CAST: variants seen among roughly 807,000 people sequenced by gnomAD.
CAST encodes MIR583 host.
A neutral mutation model predicts 119.6 loss-of-function variants in CAST; 76 were observed. That is an observed-to-expected ratio of 0.64 (90% confidence interval 0.53 to 0.77). CAST has a LOEUF of 0.77. Ranked by LOEUF, CAST falls within the 30% of genes least tolerant of loss-of-function variation. CAST has a pLI of 0.00. For synonymous variants in CAST, 319 were observed against 331.6 expected, an observed-to-expected ratio of 0.96 and a Z score of 0.41; for missense variants, 953 against 946.5, an observed-to-expected ratio of 1.01 and a Z score of -0.09.
chr5:96,761,944 TC>T lies in CAST; in HGVS notation c.1834-329del, dbSNP rs536471373. ...CCATAACTCACTCACTAGAACTTAT[TC>T]AGAGCAATTTTAAAAGAGCTGAAAA... On this transcript the variant is annotated intron_variant, in intron 24 of 31. Coordinates refer to ENST00000675179, the MANE Select transcript of CAST (RefSeq NM_001750.7). 572 of 177,282 alleles carry T rather than the reference TC, an allele frequency of 3.2e-3. 3 individuals are homozygous for T. Among genetic ancestry groups the T allele is most frequent in the African/African-American group, 0.013 (544 of 42,400 alleles). The allele number at this position is 177,282 out of a possible 1,614,324, so 11.0% of individuals were successfully genotyped here.
At chr5:96,412,889 G>GGC in the CAST span, 1 of 329,994 alleles carries the variant, frequency 3.0e-6, no homozygotes, top group Non-Finnish European at 4.6e-6. Context: ...CAAAATGTTT[G>GGC]CCCTCCCTCC....
the CAST span, among the ~76,000 whole-genome samples, chr5:96,136,345 C>CTTTTGTTTTG: frequency 4.4e-5 from 6 of 135,388 alleles, no homozygotes; most frequent in South Asian, 9.0e-4. Flanking sequence ...AATTGCACCT[C>CTTTTGTTTTG]TTTTGTTTTG....
the CAST span, among the ~76,000 whole-genome samples, chr5:96,406,888 A>G: frequency 6.6e-6 from 1 of 152,374 alleles, no homozygotes; most frequent in South Asian, 2.1e-4. Flanking sequence ...GTCACCACAC[A>G]TCAGAAAGCA....
At chr5:96,008,038 A>G in the CAST span, among the ~76,000 whole-genome samples, 1 of 152,062 alleles carries the variant, frequency 6.6e-6, no homozygotes, top group Non-Finnish European at 1.5e-5. Flanking sequence ...ACAAGCCAGA[A>G]AGAGGGCCTT....
the CAST span, among the ~76,000 whole-genome samples, chr5:95,981,780 T>C: frequency 6.6e-6 from 1 of 152,056 alleles, no homozygotes; most frequent in Non-Finnish European, 1.5e-5. Context: ...GAGGCTGAGG[T>C]AGGAGAATCA....
At chr5:96,043,025 T>C in the CAST span, among the ~76,000 whole-genome samples, 1 of 152,140 alleles carries the variant, frequency 6.6e-6, no homozygotes, top group African/African-American at 2.4e-5. Context: ...ATGTATTGCC[T>C]ACCCCAAAAT....
chr5:96,172,401 T>C, the CAST span, among the ~76,000 whole-genome samples: 1 of 152,240 alleles, frequency 6.6e-6, no homozygotes, highest in African/African-American at 2.4e-5. Flanking sequence ...ATGGCTTAGC[T>C]TGGGTTCAGA....
At chr5:96,426,611 A>C in the CAST span, among the ~76,000 whole-genome samples, 3,743 of 152,298 alleles carry the variant, frequency 0.025, 149 homozygotes, top group African/African-American at 0.086. Context: ...ACAGCATAAT[A>C]CTATTATACT....
the CAST span, among the ~76,000 whole-genome samples, chr5:96,491,360 G>A: frequency 8.5e-3 from 1,279 of 150,160 alleles, 12 homozygotes; most frequent in South Asian, 0.028. Context: ...GTGTGGTGGC[G>A]GGCGCCTGTA....
At chr5:96,354,523 C>T in the CAST span, among the ~76,000 whole-genome samples, 2 of 151,246 alleles carry the variant, frequency 1.3e-5, no homozygotes, top group Non-Finnish European at 1.5e-5. Context: ...TGGGTTGAGA[C>T]GTATCCTGAT....
intron 1 of CAST, among the ~76,000 whole-genome samples, chr5:96,626,810 G>A (rs1251193959): frequency 1.3e-5 from 2 of 152,052 alleles, no homozygotes; most frequent in Non-Finnish European, 2.9e-5. Context: ...TTCCATCGCC[G>A]AGGCCTGGGA....
chr5:96,774,138 T>G lies in CAST; in HGVS notation c.*1522T>G, dbSNP rs1773433545. 1 of 153,658 alleles carries G rather than the reference T, an allele frequency of 6.5e-6. No individual in the cohort carries two copies. The highest frequency in any genetic ancestry group is 2.4e-5 in the African/African-American group (1 of 41,448). 9.5% of individuals were successfully genotyped at this position (153,658 alleles called of 1,614,324 possible). On this transcript the variant is annotated 3_prime_UTR_variant, in exon 32 of 32. Transcript: ENST00000675179. The stretch of plus-strand genomic sequence containing the variant: ...TAACCATGTATCTAATCCTCCCATT[T>G]GGGCAGTATAGGTGTTTGCTTTTTT...
Position 96,740,981 on chromosome 5 carries a change from G to A in CAST, c.918+198G>A, listed in dbSNP as rs1414384726. ...TGAGTCTCATAAGTAGGTTTTTTGAGGGAAAGGAGAAAGAAGGCGAGAAAG... is the reference window on the plus strand; with the variant it reads ...TGAGTCTCATAAGTAGGTTTTTTGAAGGAAAGGAGAAAGAAGGCGAGAAAG... On this transcript the variant is annotated intron_variant, in intron 13 of 31. Coordinates refer to ENST00000675179, the MANE Select transcript of CAST (RefSeq NM_001750.7). 15 of 596,036 alleles carry A rather than the reference G, an allele frequency of 2.5e-5. No individual in the cohort carries two copies. The Admixed American group carries it at 3.8e-4, about 15-fold the overall frequency. 36.9% of individuals were successfully genotyped at this position (596,036 alleles called of 1,614,324 possible).
At chr5:96,067,077 T>C in the CAST span, among the ~76,000 whole-genome samples, 1 of 152,192 alleles carries the variant, frequency 6.6e-6, no homozygotes, top group Admixed American at 6.5e-5. Context: ...GTGCTTTACA[T>C]ATAGTAAGCA....
upstream of CAST, among the ~76,000 whole-genome samples, chr5:96,658,519 C>A (rs116529429): frequency 3.8e-3 from 582 of 152,250 alleles, 6 homozygotes; most frequent in African/African-American, 0.013. Context: ...GGAAACAGAT[C>A]TATAACATTC....
At chr5:96,551,757 G>A (rs1165167459) in intron 1 of CAST, among the ~76,000 whole-genome samples, 2 of 151,860 alleles carry the variant, frequency 1.3e-5, no homozygotes, top group African/African-American at 4.8e-5. Context: ...AGAAAAAGCA[G>A]GGGTTGCAAT....
At chr5:96,068,863 G>T in the CAST span, among the ~76,000 whole-genome samples, 1 of 150,694 alleles carries the variant, frequency 6.6e-6, no homozygotes, top group Non-Finnish European at 1.5e-5. Flanking sequence ...CTGTCTTCCT[G>T]TGTGTATATA....
the CAST span, among the ~76,000 whole-genome samples, chr5:96,312,275 G>T: frequency 2.6e-4 from 39 of 151,958 alleles, no homozygotes; most frequent in South Asian, 1.2e-3. Context: ...TTTCTCTACA[G>T]GCTCTCCTTT....
chr5:96,355,875 T>A, the CAST span, among the ~76,000 whole-genome samples: 1 of 152,096 alleles, frequency 6.6e-6, no homozygotes, highest in African/African-American at 2.4e-5. Flanking sequence ...CTAATTTTTG[T>A]ATTTTTAGTA....
Sources: gnomAD v4.1 joint callset for allele counts (sites outside exome capture counted in the v4.1 genomes callset) on GRCh38, gnomAD v4.1.1 for gene constraint, MANE v1.5 for transcripts, NCBI Gene and HGNC (gene_info 2026-07-23, HGNC 2026-07-21) for gene names.